The following PTPRT variants were observed in gnomAD, a reference collection of about 807,000 sequenced individuals.
PTPRT encodes the protein receptor-type tyrosine-protein phosphatase T.
In PTPRT, 56 loss-of-function variants were observed where a neutral mutation model predicts 176.8. The observed-to-expected ratio is 0.32, with a 90% CI of 0.26 to 0.40. The LOEUF (loss-of-function observed/expected upper bound fraction) is 0.40, where lower values mean the gene tolerates loss of function less well. Ranked by LOEUF, PTPRT falls within the 10% of genes least tolerant of loss-of-function variation. The pLI is 1.00. For synonymous variants in PTPRT, 783 were observed against 739.0 expected (o/e 1.06, Z -0.96); for missense variants, 1,540 against 1,908.2 (o/e 0.81, Z 3.60).
intron 27 of PTPRT, among the ~76,000 whole-genome samples, chr20:42,089,111 AGTGTGTGT>A (rs112894271): frequency 6.7e-6 from 1 of 148,528 alleles, no homozygotes; most frequent in Non-Finnish European, 1.5e-5. Flanking sequence ...AGTGTGTGTG[AGTGTGTGT>A]GTGTGTGTGT....
At chr20:42,649,765 T>C (rs541551194) in intron 7 of PTPRT, among the ~76,000 whole-genome samples, 36 of 152,196 alleles carry the variant, frequency 2.4e-4, no homozygotes, top group African/African-American at 8.7e-4. Flanking sequence ...TTCTCTCTCA[T>C]GTTTGGAGAG....
At chr20:42,289,627 CAG>C (rs1043676994) in intron 12 of PTPRT, among the ~76,000 whole-genome samples, 2 of 151,992 alleles carry the variant, frequency 1.3e-5, no homozygotes, top group African/African-American at 4.8e-5. Context: ...AAAAAAATAA[CAG>C]ATGTTGGCAA....
At chr20:42,949,875 CTG>C (rs1981126120) in intron 1 of PTPRT, among the ~76,000 whole-genome samples, 1 of 152,182 alleles carries the variant, frequency 6.6e-6, no homozygotes, top group Non-Finnish European at 1.5e-5. Flanking sequence ...ATTGATTTGC[CTG>C]TCTTTCTCCC....
intron 1 of PTPRT, among the ~76,000 whole-genome samples, chr20:43,115,682 A>G (rs528900999): frequency 9.9e-5 from 15 of 152,228 alleles, no homozygotes; most frequent in Non-Finnish European, 1.9e-4. Flanking sequence ...CAAAATGTCA[A>G]TTCAATTACC....
rs116638321 is a variant in PTPRT, at chr20:42,922,423, C to T, written c.89-36491G>A. The stretch of plus-strand genomic sequence containing the variant: ...CTCCCAATTTCACATCCTTATTCTA[C>T]ACCTCTCTCCTGGACTCAGGCCTGT... On this transcript the variant is annotated intron_variant, in intron 1 of 30. Transcript: ENST00000373187. Among the ~76,000 whole-genome samples the T allele has an allele frequency of 5.4e-3, 817 of 152,320 alleles. 7 individuals carry two copies. The highest frequency in any genetic ancestry group is 0.019 in the African/African-American group (776 of 41,564).
intron 9 of PTPRT, among the ~76,000 whole-genome samples, chr20:42,390,661 A>G (rs911980160): frequency 4.6e-5 from 7 of 152,210 alleles, no homozygotes; most frequent in African/African-American, 1.7e-4. Context: ...TGAGTACACC[A>G]TATTGGAAGT....
Position 42,106,806 on chromosome 20 carries a change from C to T in PTPRT, c.3370G>A (p.Val1124Ile). The part of the protein sequence containing the change: ...NCVRELRAQR[V>I]NLVQTEEQYV... ...CTCACCTCTGTCTGTACCAGGTTGACCCTTTGGGCCCGGAGCTCACGCACG... is the reference window on the plus strand; with the variant it reads ...CTCACCTCTGTCTGTACCAGGTTGATCCTTTGGGCCCGGAGCTCACGCACG... The change falls in exon 24 of 31, where the codon GTC becomes ATC. Residue 1124 changes from valine to isoleucine, a missense_variant. This residue lies in a region of PTPRT where 248 missense variants were observed against 356.7 expected (regional missense o/e 0.70). Coordinates refer to ENST00000373187, the MANE Select transcript of PTPRT (RefSeq NM_007050.6). The T allele has an allele frequency of 1.2e-6, 2 of 1,614,126 alleles. No homozygotes were observed. The highest frequency in any genetic ancestry group is 4.5e-5 in the East Asian group (2 of 44,878).
intron 8 of PTPRT, among the ~76,000 whole-genome samples, chr20:42,450,848 T>C (rs2070814763): frequency 6.6e-6 from 1 of 152,182 alleles, no homozygotes; most frequent in African/African-American, 2.4e-5. Flanking sequence ...GAGACAGACA[T>C]TAAGCGATTA....
chr20:42,832,710 A>G, intron 2 of PTPRT, among the ~76,000 whole-genome samples: 1 of 151,222 alleles, frequency 6.6e-6, no homozygotes, highest in East Asian at 1.9e-4. Flanking sequence ...GAAAAAAAAA[A>G]AAAGAAGAAG....
At position 43,178,408 on chromosome 20, in the gene PTPRT, G is replaced by T. The variant is rs566612040; in HGVS notation, c.88+11238C>A. Among the ~76,000 whole-genome samples the T allele has an allele frequency of 1.6e-4, 24 of 152,224 alleles. No homozygotes were observed. In the South Asian group the frequency reaches 5.0e-3, roughly 32 times the overall value. On this transcript the variant is annotated intron_variant, in intron 1 of 30. Transcript: ENST00000373187. Reference sequence around the variant, plus strand: ...CTGTTTAGAATCTTGGCTCAAAGTTGTGATTTCTGAGCTGAAAGCCACTCC... The same window carrying T: ...CTGTTTAGAATCTTGGCTCAAAGTTTTGATTTCTGAGCTGAAAGCCACTCC...
At chr20:42,545,338 T>C (rs2072655891) in intron 7 of PTPRT, among the ~76,000 whole-genome samples, 1 of 152,188 alleles carries the variant, frequency 6.6e-6, no homozygotes, top group African/African-American at 2.4e-5. Flanking sequence ...CAAACCACCC[T>C]AGTAGGATTC....
chr20:42,831,186 G>A (rs1349135409), intron 2 of PTPRT, among the ~76,000 whole-genome samples: 1 of 152,110 alleles, frequency 6.6e-6, no homozygotes, highest in Non-Finnish European at 1.5e-5. Flanking sequence ...CAGATCTATA[G>A]ACCAATGAAA....
chr20:42,225,063 A>G (rs913462601), intron 15 of PTPRT, among the ~76,000 whole-genome samples: 2 of 152,138 alleles, frequency 1.3e-5, no homozygotes, highest in African/African-American at 4.8e-5. Context: ...ATCATTAGTT[A>G]TCTCTTTTCT....
intron 9 of PTPRT, among the ~76,000 whole-genome samples, chr20:42,445,804 A>C (rs2070723370): frequency 6.6e-6 from 1 of 152,170 alleles, no homozygotes. Flanking sequence ...AAAATCCACA[A>C]GGCATCAGAT....
chr20:43,127,485 A>C (rs889767018), intron 1 of PTPRT, among the ~76,000 whole-genome samples: 8 of 150,688 alleles, frequency 5.3e-5, no homozygotes, highest in African/African-American at 1.9e-4. Flanking sequence ...ACCCTAATGC[A>C]CCTGCTAACA....
At chr20:43,161,824 C>T (rs576569281) in intron 1 of PTPRT, among the ~76,000 whole-genome samples, 17 of 152,326 alleles carry the variant, frequency 1.1e-4, no homozygotes, top group Admixed American at 2.6e-4. Flanking sequence ...CCATTCCCAT[C>T]TGGGCTGGCT....
At chr20:42,985,268 G>A (rs1372650853) in intron 1 of PTPRT, among the ~76,000 whole-genome samples, 3 of 152,100 alleles carry the variant, frequency 2.0e-5, no homozygotes, top group Non-Finnish European at 2.9e-5. Flanking sequence ...AGGCCGAGGT[G>A]GGTGGATCAT....
At chr20:42,084,901 C>T (rs886748006) in intron 28 of PTPRT, 56 bp from the exon 29 acceptor site, 2 of 1,328,974 alleles carry the variant, frequency 1.5e-6, no homozygotes, top group East Asian at 2.7e-5. Flanking sequence ...CGTACATGCA[C>T]CTTGCAGATA....
chr20:42,639,315 T>C (rs1229443298), intron 7 of PTPRT, among the ~76,000 whole-genome samples: 1 of 152,160 alleles, frequency 6.6e-6, no homozygotes, highest in Non-Finnish European at 1.5e-5. Context: ...TTCTGTCTTA[T>C]CACCCATTTT....
Sources: gnomAD v4.1 joint callset for allele counts (sites outside exome capture counted in the v4.1 genomes callset) on GRCh38, gnomAD v4.1.1 for gene constraint, gnomAD v4.1.1 regional missense constraint, MANE v1.5 for transcripts, NCBI Gene and HGNC (gene_info 2026-07-23, HGNC 2026-07-21) for gene names.